The following SORCS2 variants were observed in gnomAD, a reference collection of about 807,000 sequenced individuals.
SORCS2 encodes the protein VPS10 domain-containing receptor SorCS2.
SORCS2 carries 100 observed loss-of-function variants against 141.6 expected under a neutral mutation model. That is an observed-to-expected ratio of 0.71 (90% confidence interval 0.60 to 0.83). The LOEUF is 0.83. Ranked by LOEUF, SORCS2 falls within the 40% of genes least tolerant of loss-of-function variation. SORCS2 has a pLI of 0.00. For missense variants in SORCS2, 1,646 were observed against 1,560.2 expected (o/e 1.05, Z -0.93); for synonymous variants, 789 against 676.9 (o/e 1.17, Z -2.57).
intron 1 of SORCS2, among the ~76,000 whole-genome samples, chr4:7,348,058 T>G (rs766430318): frequency 1.4e-4 from 21 of 152,212 alleles, no homozygotes; most frequent in African/African-American, 2.9e-4. Flanking sequence ...GAGGATGATC[T>G]TGTCTAATGA....
chr4:7,697,814 G>T (rs1724808637), intron 12 of SORCS2, among the ~76,000 whole-genome samples: 1 of 152,090 alleles, frequency 6.6e-6, no homozygotes, highest in African/African-American at 2.4e-5. Context: ...GGGTGTCTGG[G>T]GGCTATCCCA....
Position 7,433,872 on chromosome 4 carries a change from G to A in SORCS2, c.548+37517G>A, listed in dbSNP as rs554868027. 120 of 1,613,896 alleles carry A rather than the reference G, an allele frequency of 7.4e-5. 1 individual carries two copies. The South Asian group carries it at 1.2e-3, about 16-fold the overall frequency. ...GGCTGTAGGTGTCCACCAAGATGATGCACTCCTTCGTGATAGAGGCAGGCA... is the reference window on the plus strand; with the variant it reads ...GGCTGTAGGTGTCCACCAAGATGATACACTCCTTCGTGATAGAGGCAGGCA... On this transcript the variant is annotated intron_variant, in intron 2 of 26. Transcript: ENST00000507866.
At chr4:7,620,318 T>C (rs1458127095) in intron 3 of SORCS2, among the ~76,000 whole-genome samples, 5 of 152,204 alleles carry the variant, frequency 3.3e-5, no homozygotes, top group South Asian at 2.1e-4. Context: ...ATGTGGCCCA[T>C]GTGTGGCTGC....
intron 2 of SORCS2, among the ~76,000 whole-genome samples, chr4:7,436,720 A>T (rs1264867099): frequency 6.6e-6 from 1 of 152,178 alleles, no homozygotes; most frequent in Non-Finnish European, 1.5e-5. Flanking sequence ...GTGTGTATTA[A>T]TTAGGTCAGT....
At chr4:7,568,464 G>A (rs1715169069) in intron 3 of SORCS2, among the ~76,000 whole-genome samples, 1 of 152,144 alleles carries the variant, frequency 6.6e-6, no homozygotes, top group Non-Finnish European at 1.5e-5. Flanking sequence ...CTTGCGATGT[G>A]CTACATACTC....
intron 1 of SORCS2, among the ~76,000 whole-genome samples, chr4:7,354,530 G>T (rs1721134223): frequency 6.6e-6 from 1 of 152,342 alleles, no homozygotes; most frequent in South Asian, 2.1e-4. Flanking sequence ...AGGCTACCGT[G>T]CAGCCCCGGC....
At chr4:7,705,400 G>A (rs1164654590) in intron 14 of SORCS2, among the ~76,000 whole-genome samples, 3 of 152,260 alleles carry the variant, frequency 2.0e-5, no homozygotes, top group Non-Finnish European at 4.4e-5. Flanking sequence ...ACTGAAGCCA[G>A]CAGAGTTCAT....
At chr4:7,522,619 CCCTTTT>C (rs1216411702) in intron 2 of SORCS2, among the ~76,000 whole-genome samples, 1 of 152,038 alleles carries the variant, frequency 6.6e-6, no homozygotes, top group Non-Finnish European at 1.5e-5. Flanking sequence ...CTTCCCCTTC[CCCTTTT>C]CCCTCCCTCC....
intron 1 of SORCS2, among the ~76,000 whole-genome samples, chr4:7,364,701 C>G (rs1721778868): frequency 6.6e-6 from 1 of 152,166 alleles, no homozygotes; most frequent in Non-Finnish European, 1.5e-5. Flanking sequence ...TTGGCAGGTG[C>G]TAGGAGCTGT....
intron 26 of SORCS2, among the ~76,000 whole-genome samples, chr4:7,739,654 C>T (rs990460090): frequency 9.2e-5 from 14 of 152,250 alleles, no homozygotes; most frequent in South Asian, 6.2e-4. Context: ...TGGGCTGTGC[C>T]GCGGGTGCTC....
rs970882471 is a variant in SORCS2, at chr4:7,726,793, T to C, written c.2759T>C (p.Leu920Pro). ...GTGCCCCTGCAGCCCCTCCTTTCCC[T>C]GGATAATTCTGTGACAACGCGGTTT... Reference protein sequence around the residue: ...IGHSLQPLLSLDNSVTTRFSD... With the variant: ...IGHSLQPLLSPDNSVTTRFSD... The change falls in exon 21 of 27, where the codon CTG becomes CCG. Residue 920 changes from leucine (L) to proline (P), a missense_variant. Physicochemically the swap from Leu to Pro is moderately conservative, Grantham distance 98. Transcript: ENST00000507866. 1.2e-6 allele frequency: 2 copies of C among 1,613,496 alleles called. No individual in the cohort carries two copies. The highest frequency in any genetic ancestry group is 1.7e-6 in the Non-Finnish European group (2 of 1,179,714).
intron 2 of SORCS2, among the ~76,000 whole-genome samples, chr4:7,448,662 G>A (rs560027667): frequency 5.2e-4 from 60 of 115,664 alleles, no homozygotes; most frequent in South Asian, 1.2e-3. Context: ...GACTTCCTCC[G>A]TCCCTGCCTT....
At chr4:7,336,181 C>G (rs1207728605) in intron 1 of SORCS2, among the ~76,000 whole-genome samples, 1 of 152,216 alleles carries the variant, frequency 6.6e-6, no homozygotes, top group African/African-American at 2.4e-5. Context: ...GCTGCCCCTG[C>G]CCTGCGTCCT....
intron 1 of SORCS2, among the ~76,000 whole-genome samples, chr4:7,281,483 C>T (rs1222335479): frequency 6.6e-6 from 1 of 152,196 alleles, no homozygotes; most frequent in South Asian, 2.1e-4. Flanking sequence ...AGCACGTGGG[C>T]CTTTCTGTCC....
chr4:7,676,780 G>T (rs1197108926), intron 9 of SORCS2, among the ~76,000 whole-genome samples: 1 of 88,032 alleles, frequency 1.1e-5, no homozygotes, highest in Non-Finnish European at 2.2e-5. Flanking sequence ...CTCTCCCTCT[G>T]TGTGTCTGAA....
intron 3 of SORCS2, among the ~76,000 whole-genome samples, chr4:7,538,362 C>T (rs1343536041): frequency 2.0e-5 from 3 of 152,296 alleles, no homozygotes; most frequent in Middle Eastern, 3.4e-3. Context: ...GGGGCCCTGA[C>T]GACCCCCACA....
Position 7,519,282 on chromosome 4 carries a change from G to A in SORCS2, c.549-12248G>A, listed in dbSNP as rs562699484. Among the ~76,000 whole-genome samples the A allele has an allele frequency of 5.3e-5, 8 of 152,334 alleles. No individual in the cohort carries two copies. The South Asian group carries it at 1.0e-3, about 20-fold the overall frequency. On this transcript the variant is annotated intron_variant, in intron 2 of 26. Coordinates refer to ENST00000507866, the MANE Select transcript of SORCS2 (RefSeq NM_020777.3). ...AAAGACTCCATCAGTTGGGACAAGA[G>A]CCATTGCAAACATCCCACCTTGTGC...
intron 3 of SORCS2, among the ~76,000 whole-genome samples, chr4:7,585,884 G>T (rs1243656661): frequency 6.6e-6 from 1 of 152,234 alleles, no homozygotes; most frequent in African/African-American, 2.4e-5. Flanking sequence ...CTTCCTTGCA[G>T]ACATCTGAAG....
chr4:7,698,808 G>A (rs1002319471), intron 12 of SORCS2, among the ~76,000 whole-genome samples: 10 of 152,196 alleles, frequency 6.6e-5, no homozygotes, highest in African/African-American at 2.2e-4. Flanking sequence ...GCGCCCAAGG[G>A]GCAGGCCTGT....
Sources: gnomAD v4.1 joint callset for allele counts (sites outside exome capture counted in the v4.1 genomes callset) on GRCh38, gnomAD v4.1.1 for gene constraint, MANE v1.5 for transcripts, NCBI Gene and HGNC (gene_info 2026-07-23, HGNC 2026-07-21) for gene names.